The following OSBPL10 variants were observed in gnomAD, a reference collection of about 807,000 sequenced individuals.
OSBPL10 encodes the protein oxysterol-binding protein-related protein 10.
In OSBPL10, 49 loss-of-function variants were observed where a neutral mutation model predicts 81.7. The observed-to-expected ratio is 0.60, with a 90% CI of 0.48 to 0.76. The LOEUF is 0.76. Ranked by LOEUF, OSBPL10 falls within the 30% of genes least tolerant of loss-of-function variation. The pLI is 0.00. For synonymous variants in OSBPL10, 419 were observed against 383.6 expected, an observed-to-expected ratio of 1.09 and a Z score of -1.08; for missense variants, 923 against 987.8, an observed-to-expected ratio of 0.93 and a Z score of 0.88.
intron 5 of OSBPL10, among the ~76,000 whole-genome samples, chr3:31,739,754 A>C (rs991788625): frequency 6.6e-6 from 1 of 152,200 alleles, no homozygotes; most frequent in Non-Finnish European, 1.5e-5. Context: ...AAAACTGAGA[A>C]ATTTTTGTTC....
intron 4 of OSBPL10, among the ~76,000 whole-genome samples, chr3:31,770,527 C>T (rs1236330728): frequency 2.0e-5 from 3 of 152,154 alleles, no homozygotes; most frequent in African/African-American, 7.2e-5. Flanking sequence ...TGGCTCACGC[C>T]TATAATCTCA....
chr3:31,843,746 C>T (rs749136522), intron 3 of OSBPL10, among the ~76,000 whole-genome samples: 12 of 152,212 alleles, frequency 7.9e-5, no homozygotes, highest in Admixed American at 2.0e-4. Context: ...AATACAGAGA[C>T]GCATTTCCAG....
rs575153758 is a variant in OSBPL10 at position 32,050,748 on chromosome 3, G to A, written n.186-4145C>T. Among the ~76,000 whole-genome samples, 15 of 149,422 alleles carry A rather than the reference G, an allele frequency of 1.0e-4. No individual in the cohort carries two copies. The East Asian group carries it at 2.4e-3, about 24-fold the overall frequency. On this transcript the variant is annotated intron_variant and non_coding_transcript_variant, in intron 1 of 3. Coordinates refer to the OSBPL10 transcript ENST00000479173. ...GCAATCTCAGCTCACCGCAACCTCCGCCTCCCTAATTCAAGTGATTCTCCT... is the reference window on the plus strand; with the variant it reads ...GCAATCTCAGCTCACCGCAACCTCCACCTCCCTAATTCAAGTGATTCTCCT...
chr3:31,991,873 A>G (rs542466548), intron 2 of OSBPL10, among the ~76,000 whole-genome samples: 3 of 152,100 alleles, frequency 2.0e-5, no homozygotes, highest in Non-Finnish European at 4.4e-5. Context: ...TAAAAAAAAA[A>G]AAATGCCAGG....
intron 3 of OSBPL10, among the ~76,000 whole-genome samples, chr3:31,840,196 C>T (rs190580942): frequency 6.6e-6 from 1 of 152,044 alleles, no homozygotes; most frequent in East Asian, 1.9e-4. Context: ...GGGACAAGGG[C>T]TCCTATTTTA....
At position 32,023,554 on chromosome 3, in the gene OSBPL10, T is replaced by C. The variant is rs1444457883; in HGVS notation, n.298+22937A>G. On this transcript the variant is annotated intron_variant and non_coding_transcript_variant, in intron 2 of 3. Transcript: ENST00000479173. Reference sequence around the variant, plus strand: ...CCTTGAAGGAACTCAAGACTTTTCTTTATTTCCATGCTTGGGCCACCCACA... The same window carrying C: ...CCTTGAAGGAACTCAAGACTTTTCTCTATTTCCATGCTTGGGCCACCCACA... Among the ~76,000 whole-genome samples, 3 of 152,214 alleles carry C rather than the reference T, an allele frequency of 2.0e-5. No individual in the cohort carries two copies. In the East Asian group the frequency reaches 5.8e-4, roughly 29 times the overall value.
chr3:31,931,014 C>CAAA lies in OSBPL10; in HGVS notation c.281+49882_281+49884dup, dbSNP rs60251266. ...TGGGCGACAGAGCAAGACTCGGTCT[C>CAAA]AAAAAAAAAAAAAAAAAAAAAAAAA... On this transcript the variant is annotated intron_variant, in intron 1 of 11. Transcript: ENST00000396556. Among the ~76,000 whole-genome samples the CAAA allele has an allele frequency of 1.0e-3, 62 of 62,056 alleles. 1 individual carries two copies. The highest frequency in any genetic ancestry group is 4.0e-3 in the African/African-American group (57 of 14,412). 40.7% of individuals were successfully genotyped at this position (62,056 alleles called of 152,430 possible).
At chr3:31,789,950 T>G (rs1378258009) in intron 4 of OSBPL10, among the ~76,000 whole-genome samples, 2 of 134,316 alleles carry the variant, frequency 1.5e-5, no homozygotes, top group East Asian at 4.0e-4. Flanking sequence ...TGACACACAT[T>G]TTTATTCTTT....
chr3:32,006,790 T>C (rs1407900881), intron 2 of OSBPL10, among the ~76,000 whole-genome samples: 1 of 152,266 alleles, frequency 6.6e-6, no homozygotes, highest in Non-Finnish European at 1.5e-5. Flanking sequence ...CCCACACTTA[T>C]GTACCATAAT....
At chr3:31,845,518 C>A (rs1477661502) in intron 3 of OSBPL10, among the ~76,000 whole-genome samples, 1 of 152,092 alleles carries the variant, frequency 6.6e-6, no homozygotes, top group African/African-American at 2.4e-5. Context: ...AATTATAGTG[C>A]TTTTATAGTA....
intron 6 of OSBPL10, chr3:31,714,790 C>A (rs1286386720): frequency 6.5e-6 from 1 of 152,874 alleles, no homozygotes; most frequent in African/African-American, 2.4e-5. Context: ...TGCTACCACA[C>A]CCTAGGTTTT....
chr3:31,881,653 T>C (rs550857008), intron 1 of OSBPL10, among the ~76,000 whole-genome samples: 97 of 152,364 alleles, frequency 6.4e-4, no homozygotes, highest in Non-Finnish European at 1.2e-3. Flanking sequence ...TAATTGTGGT[T>C]ATTTAAGAAA....
intron 2 of OSBPL10, among the ~76,000 whole-genome samples, chr3:32,021,090 G>C (rs779552029): frequency 6.6e-6 from 1 of 151,308 alleles, no homozygotes; most frequent in Non-Finnish European, 1.5e-5. Context: ...TTGGATTGGA[G>C]CCCCATCCTC....
At chr3:32,019,698 A>AT (rs1476754326) in intron 2 of OSBPL10, among the ~76,000 whole-genome samples, 1 of 152,166 alleles carries the variant, frequency 6.6e-6, no homozygotes, top group African/African-American at 2.4e-5. Context: ...ATTCAACACA[A>AT]TTTTTAATGA....
intron 2 of OSBPL10, among the ~76,000 whole-genome samples, chr3:32,002,242 C>T (rs1240935396): frequency 4.6e-5 from 7 of 152,134 alleles, no homozygotes; most frequent in Admixed American, 4.6e-4. Flanking sequence ...TTGCTGTCCA[C>T]TCAACCAACC....
chr3:31,918,384 A>G (rs1696817271), intron 1 of OSBPL10, among the ~76,000 whole-genome samples: 1 of 150,934 alleles, frequency 6.6e-6, no homozygotes, highest in South Asian at 2.1e-4. Flanking sequence ...GCCAGAGTAC[A>G]GTGGTATGAT....
At chr3:32,007,347 C>A (rs895053652) in intron 2 of OSBPL10, among the ~76,000 whole-genome samples, 1 of 152,134 alleles carries the variant, frequency 6.6e-6, no homozygotes, top group Non-Finnish European at 1.5e-5. Flanking sequence ...TAACAAACTA[C>A]CCCAAACTTG....
chr3:32,074,365 G>A (rs934023659), intron 1 of OSBPL10, among the ~76,000 whole-genome samples: 3 of 152,106 alleles, frequency 2.0e-5, no homozygotes, highest in Non-Finnish European at 2.9e-5. Flanking sequence ...TGCATCTCTC[G>A]ACAACAGCCT....
chr3:31,905,368 T>TTTTTTTTTTTTTTTTTTTTTC (rs869077578), intron 1 of OSBPL10, among the ~76,000 whole-genome samples: 1 of 148,192 alleles, frequency 6.7e-6, no homozygotes, highest in African/African-American at 2.5e-5. Flanking sequence ...TTTTTTTTTT[T>TTTTTTTTTTTTTTTTTTTTTC]AGACGGACTC....
Sources: gnomAD v4.1 joint callset for allele counts (sites outside exome capture counted in the v4.1 genomes callset) on GRCh38, gnomAD v4.1.1 for gene constraint, MANE v1.5 for transcripts, NCBI Gene and HGNC (gene_info 2026-07-23, HGNC 2026-07-21) for gene names.